Variants in UBTD2 observed in about 807,000 individuals in gnomAD.
UBTD2 encodes ubiquitin domain containing 2.
Under a neutral mutation model 19.8 loss-of-function variants are expected in UBTD2, and 9 were observed. The observed-to-expected ratio is 0.46, with a 90% CI of 0.27 to 0.79. The LOEUF (loss-of-function observed/expected upper bound fraction) is 0.79, where lower values mean the gene tolerates loss of function less well. Ranked by LOEUF, UBTD2 falls within the 30% of genes least tolerant of loss-of-function variation. The pLI, the probability that UBTD2 is intolerant of heterozygous loss-of-function variation, is 0.14. For synonymous variants in UBTD2, 98 were observed against 103.9 expected, an observed-to-expected ratio of 0.94 and a Z score of 0.35; for missense variants, 250 against 300.4, an observed-to-expected ratio of 0.83 and a Z score of 1.24.
intron 2 of UBTD2, among the ~76,000 whole-genome samples, chr5:172,226,720 G>C (rs78294546): frequency 0.011 from 1,730 of 152,260 alleles, 39 homozygotes; most frequent in African/African-American, 0.039. Context: ...CAGGATTGTA[G>C]AGATGCTAAC....
intron 1 of UBTD2, among the ~76,000 whole-genome samples, chr5:172,251,540 T>G (rs533545104): frequency 7.4e-6 from 1 of 134,778 alleles, no homozygotes; most frequent in East Asian, 2.2e-4. Flanking sequence ...GCAAATAACA[T>G]ATAAGGGACT....
intron 2 of UBTD2, among the ~76,000 whole-genome samples, chr5:172,222,130 T>C (rs1288183722): frequency 6.6e-6 from 1 of 152,248 alleles, no homozygotes; most frequent in Non-Finnish European, 1.5e-5. Flanking sequence ...GATCACAAAA[T>C]ATCAATAAAA....
intron 1 of UBTD2, among the ~76,000 whole-genome samples, chr5:172,254,128 C>T (rs556352772): frequency 1.1e-4 from 16 of 152,248 alleles, no homozygotes; most frequent in African/African-American, 3.6e-4. Flanking sequence ...GAGACAGAGT[C>T]TCGCTCTGTC....
At chr5:172,256,554 CAT>C (rs1755157495) in intron 1 of UBTD2, among the ~76,000 whole-genome samples, 2 of 144,782 alleles carry the variant, frequency 1.4e-5, no homozygotes, top group South Asian at 2.2e-4. Flanking sequence ...TTTTAGTAGA[CAT>C]GTGGTTTTGC....
At chr5:172,221,338 T>C (rs778541438) in intron 2 of UBTD2, among the ~76,000 whole-genome samples, 14 of 151,716 alleles carry the variant, frequency 9.2e-5, no homozygotes, top group Admixed American at 5.9e-4. Flanking sequence ...GCCCCATCTC[T>C]ACCAAAGAAA....
intron 2 of UBTD2, among the ~76,000 whole-genome samples, chr5:172,227,906 C>T (rs539610590): frequency 8.7e-4 from 132 of 151,956 alleles, no homozygotes; most frequent in African/African-American, 3.0e-3. Context: ...GTCTCTAACT[C>T]CTGACCTTGT....
chr5:172,241,428 A>C (rs1772124817), intron 1 of UBTD2, among the ~76,000 whole-genome samples: 1 of 151,636 alleles, frequency 6.6e-6, no homozygotes, highest in Admixed American at 6.6e-5. Context: ...AAAAAAAAAA[A>C]AAAAAGATGC....
At chr5:172,223,068 C>T (rs1179548316) in intron 2 of UBTD2, among the ~76,000 whole-genome samples, 1 of 151,884 alleles carries the variant, frequency 6.6e-6, no homozygotes, top group Non-Finnish European at 1.5e-5. Context: ...ACTGGCAGAA[C>T]CAAATGATGG....
chr5:172,266,240 C>G (rs1189530263), intron 1 of UBTD2, among the ~76,000 whole-genome samples: 1 of 152,110 alleles, frequency 6.6e-6, no homozygotes, highest in Non-Finnish European at 1.5e-5. Flanking sequence ...CAGCACCACA[C>G]ATTGTTTAGA....
intron 1 of UBTD2, among the ~76,000 whole-genome samples, chr5:172,262,059 C>A (rs879298802): frequency 2.6e-5 from 4 of 152,176 alleles, no homozygotes; most frequent in Non-Finnish European, 4.4e-5. Flanking sequence ...TCTTTCAGAT[C>A]AAAATCAGAA....
chr5:172,241,009 GT>G (rs1282914779), intron 1 of UBTD2, among the ~76,000 whole-genome samples: 4 of 151,282 alleles, frequency 2.6e-5, no homozygotes, highest in Non-Finnish European at 5.9e-5. Flanking sequence ...CTCTAAGATG[GT>G]TTATTTTACT....
rs1315363526 is a variant in UBTD2 at position 172,209,873 on chromosome 5, A to G, written c.*1957T>C. Reference sequence around the variant, plus strand: ...AAGAGAGCTCAAATCCTCAACAAAGAAAGACCTTTTACCAATCGATATCAT... The same window carrying G: ...AAGAGAGCTCAAATCCTCAACAAAGGAAGACCTTTTACCAATCGATATCAT... On this transcript the variant is annotated 3_prime_UTR_variant, in exon 3 of 3. Transcript: ENST00000393792. 6.6e-6 allele frequency: 1 copy of G among 152,644 alleles called. No homozygotes were observed. Among genetic ancestry groups the G allele is most frequent in the African/African-American group, 2.4e-5 (1 of 41,458 alleles). 9.5% of individuals were successfully genotyped at this position (152,644 alleles called of 1,614,324 possible). A position where few individuals can be genotyped will look rare whatever the true frequency, so the allele number is the denominator to read the frequency against.
intron 2 of UBTD2, among the ~76,000 whole-genome samples, chr5:172,228,154 CTATATAGTGTGCAAGAGAACT>C (rs1171201355): frequency 1.3e-5 from 2 of 152,078 alleles, no homozygotes; most frequent in Non-Finnish European, 2.9e-5. Context: ...TTGAAGTATT[CTATATAGTGTGCAAGAGAACT>C]AAAACATTAG....
chr5:172,254,064 G>A (rs1359772480), intron 1 of UBTD2, among the ~76,000 whole-genome samples: 1 of 152,094 alleles, frequency 6.6e-6, no homozygotes, highest in African/African-American at 2.4e-5. Context: ...TTTAGATAAT[G>A]GGAGGCAGGA....
intron 1 of UBTD2, among the ~76,000 whole-genome samples, chr5:172,273,970 G>A (rs1410399990): frequency 1.3e-5 from 2 of 151,738 alleles, no homozygotes; most frequent in African/African-American, 2.4e-5. Flanking sequence ...TCATGTAAAT[G>A]TCCTAAAAGT....
chr5:172,241,996 C>A (rs1772140339), intron 1 of UBTD2, among the ~76,000 whole-genome samples: 1 of 152,240 alleles, frequency 6.6e-6, no homozygotes, highest in African/African-American at 2.4e-5. Context: ...CTAGCCTGGG[C>A]AACAGAGGAA....
chr5:172,282,350 A>T (rs575181269), intron 1 of UBTD2, among the ~76,000 whole-genome samples: 1 of 152,330 alleles, frequency 6.6e-6, no homozygotes, highest in South Asian at 2.1e-4. Flanking sequence ...TTTCAAGACA[A>T]CTTCCACTGA....
chr5:172,246,988 C>G (rs1754897010), intron 1 of UBTD2, among the ~76,000 whole-genome samples: 1 of 150,868 alleles, frequency 6.6e-6, no homozygotes, highest in African/African-American at 2.4e-5. Flanking sequence ...ACTCCTGACC[C>G]CATGATCCGC....
chr5:172,256,989 T>C (rs954657714), intron 1 of UBTD2, among the ~76,000 whole-genome samples: 1 of 152,218 alleles, frequency 6.6e-6, no homozygotes, highest in African/African-American at 2.4e-5. Context: ...TTTTTTTTCT[T>C]CTTCTTCCAA....
Sources: allele counts gnomAD v4.1 joint callset (sites outside exome capture counted in the v4.1 genomes callset), GRCh38; gene constraint gnomAD v4.1.1; transcripts MANE v1.5; gene names NCBI Gene and HGNC (gene_info 2026-07-23, HGNC 2026-07-21).